Variants in NSUN7 observed in about 807,000 individuals in gnomAD.
The protein encoded by NSUN7 is protein NSUN7.
A neutral mutation model predicts 58.5 loss-of-function variants in NSUN7; 39 were observed. The observed-to-expected ratio is 0.67, with a 90% CI of 0.52 to 0.87. The LOEUF (loss-of-function observed/expected upper bound fraction) is 0.87, where lower values mean the gene tolerates loss of function less well. NSUN7 is among the 40% of genes least tolerant of loss of function. The pLI is 0.00. For synonymous variants in NSUN7, 278 were observed against 303.7 expected (o/e 0.92, Z 0.88); for missense variants, 765 against 844.1 (o/e 0.91, Z 1.16).
chr4:40,764,699 G>A (rs1741629934), intron 4 of NSUN7, among the ~76,000 whole-genome samples: 1 of 152,160 alleles, frequency 6.6e-6, no homozygotes, highest in African/African-American at 2.4e-5. Flanking sequence ...CCCACCAACA[G>A]TGTTAAAGTG....
chr4:40,794,475 A>C lies in NSUN7; in HGVS notation c.1281A>C (p.Lys427Asn). The change falls in exon 9 of 12, where the codon AAA becomes AAC. Residue 427 changes from lysine (K) to asparagine (N), a missense_variant and splice_region_variant. Coordinates refer to ENST00000381782, the MANE Select transcript of NSUN7 (RefSeq NM_024677.6). ...QQYEQLTHAM[K>N]FTKAQAVVYC... ...ATGAACAGCTAACACATGCAATGAA[A>C]TGTAAGGTTGTCATAGGCACCATCT... 6.3e-7 allele frequency: 1 copy of C among 1,592,986 alleles called. No homozygotes were observed. Among genetic ancestry groups the C allele is most frequent in the Non-Finnish European group, 8.6e-7 (1 of 1,162,422 alleles).
chr4:40,769,284 A>G (rs979042933), intron 4 of NSUN7, among the ~76,000 whole-genome samples: 2 of 152,210 alleles, frequency 1.3e-5, no homozygotes. Flanking sequence ...TATTTTCAAA[A>G]TGTAATTGTA....
chr4:40,773,020 G>A (rs573464753), intron 4 of NSUN7: 1 of 152,312 alleles, frequency 6.6e-6, no homozygotes, highest in African/African-American at 2.4e-5. Flanking sequence ...ATGCTAACCA[G>A]TTCTTGTTTT....
rs1029615459 is a variant in NSUN7, at chr4:40,775,823, A to C, written c.826-226A>C. On this transcript the variant is annotated intron_variant, in intron 6 of 11. Coordinates refer to ENST00000381782, the MANE Select transcript of NSUN7 (RefSeq NM_024677.6). The surrounding 1 kb of genome is among the most constrained non-coding windows in gnomAD (Gnocchi z 4.3). Reference sequence around the variant, plus strand: ...TCTGGCATTGCTTTATACAAAACTTAGACAGTAACAGTCATAATTTAGGCT... The same window carrying C: ...TCTGGCATTGCTTTATACAAAACTTCGACAGTAACAGTCATAATTTAGGCT... Among the ~76,000 whole-genome samples, 1 of 152,206 alleles carries C rather than the reference A, an allele frequency of 6.6e-6. No homozygotes were observed. Among genetic ancestry groups the C allele is most frequent in the African/African-American group, 2.4e-5 (1 of 41,454 alleles).
rs1367987215 is a variant in NSUN7, at chr4:40,774,293, G to A, written c.517G>A (p.Ala173Thr). ...SFKIKLAAALARCRIKHDALS... is the reference protein window; with the variant it reads ...SFKIKLAAALTRCRIKHDALS... Reference sequence around the variant, plus strand: ...TAAGATAAAATTGGCTGCAGCATTGGCAAGATGTCGAATCAAGCATGATGC... The same window carrying A: ...TAAGATAAAATTGGCTGCAGCATTGACAAGATGTCGAATCAAGCATGATGC... The change falls in exon 5 of 12, where the codon GCA (alanine) becomes ACA (threonine). Residue 173 changes from alanine (A) to threonine (T), a missense_variant. Coordinates refer to ENST00000381782, the MANE Select transcript of NSUN7 (RefSeq NM_024677.6). The A allele has an allele frequency of 1.9e-6, 3 of 1,614,054 alleles. No homozygotes were observed.
chr4:40,758,471 A>G (rs1285001071), intron 2 of NSUN7, among the ~76,000 whole-genome samples: 5 of 152,276 alleles, frequency 3.3e-5, no homozygotes, highest in South Asian at 4.1e-4. Flanking sequence ...GAGGATTTCT[A>G]TGGGAAAACT....
intron 2 of NSUN7, among the ~76,000 whole-genome samples, chr4:40,753,841 T>C (rs1740962929): frequency 6.6e-6 from 1 of 152,138 alleles, no homozygotes; most frequent in African/African-American, 2.4e-5. Context: ...TCATGAGATC[T>C]GATGGTTCTA....
intron 7 of NSUN7, among the ~76,000 whole-genome samples, chr4:40,780,798 T>C (rs1005705122): frequency 0.16 from 12,692 of 78,038 alleles, 1,226 homozygotes; most frequent in Non-Finnish European, 0.18. Flanking sequence ...TACACATATA[T>C]ATATATATAT....
Position 40,750,598 on chromosome 4 carries a change from C to A in NSUN7, c.-91-5C>A. The A allele has an allele frequency of 7.0e-7, 1 of 1,422,118 alleles. No individual in the cohort carries two copies. Among genetic ancestry groups the A allele is most frequent in the Non-Finnish European group, 9.7e-7 (1 of 1,036,084 alleles). 88.1% of individuals were successfully genotyped at this position (1,422,118 alleles called of 1,614,324 possible). Reference sequence around the variant, plus strand: ...ATTTACTGCAATCACCTTCTCTCTTCACAGAGACCATGCTGCAGATGCGAG... The same window carrying A: ...ATTTACTGCAATCACCTTCTCTCTTAACAGAGACCATGCTGCAGATGCGAG... On this transcript the variant is annotated splice_region_variant and splice_polypyrimidine_tract_variant and intron_variant, in intron 1 of 11. Coordinates refer to ENST00000381782, the MANE Select transcript of NSUN7 (RefSeq NM_024677.6).
At chr4:40,761,752 T>A (rs2154286830) in intron 4 of NSUN7, among the ~76,000 whole-genome samples, 1 of 152,290 alleles carries the variant, frequency 6.6e-6, no homozygotes, top group Non-Finnish European at 1.5e-5. Context: ...ACATCTTAAA[T>A]TTGTTTTCTT....
At chr4:40,750,392 A>C in intron 1 of NSUN7, 92 bp downstream of exon 1, 1 of 294,998 alleles carries the variant, frequency 3.4e-6, no homozygotes, top group African/African-American at 2.2e-5. Context: ...GCTTGAGGGA[A>C]GCCGTCGGTC....
chr4:40,797,468 C>T (rs536462052), intron 9 of NSUN7, among the ~76,000 whole-genome samples: 14 of 152,288 alleles, frequency 9.2e-5, no homozygotes, highest in Non-Finnish European at 1.5e-4. Context: ...ACTTGTTCCT[C>T]CCACAGTACT....
intron 3 of NSUN7, among the ~76,000 whole-genome samples, chr4:40,760,800 T>C (rs1310254460): frequency 6.6e-6 from 1 of 150,482 alleles, no homozygotes; most frequent in Non-Finnish European, 1.5e-5. Flanking sequence ...GAGGCAGAGG[T>C]TGCAGTGAGC....
chr4:40,790,625 T>C lies in NSUN7; in HGVS notation c.1060T>C (p.Phe354Leu). The change falls in exon 8 of 12, where the codon TTT becomes CTT. Residue 354 changes from phenylalanine to leucine, a missense_variant. Transcript: ENST00000381782. The part of the protein sequence containing the change: ...CKNIEILHEK[F>L]INIESKDHRL... Reference sequence around the variant, plus strand: ...AGATATTGAAATACTTCATGAGAAATTTATTAACATTGAATCAAAGGATCA... The same window carrying C: ...AGATATTGAAATACTTCATGAGAAACTTATTAACATTGAATCAAAGGATCA... 6.4e-7 allele frequency: 1 copy of C among 1,568,576 alleles called. No homozygotes were observed. Among genetic ancestry groups the C allele is most frequent in the Non-Finnish European group, 8.7e-7 (1 of 1,154,820 alleles).
intron 11 of NSUN7, among the ~76,000 whole-genome samples, chr4:40,807,981 A>G (rs908315348): frequency 1.4e-5 from 2 of 140,326 alleles, no homozygotes; most frequent in African/African-American, 5.4e-5. Context: ...TGGAGGTTGC[A>G]GTGAGCTGAG....
chr4:40,777,553 T>C (rs1446723784), intron 7 of NSUN7, among the ~76,000 whole-genome samples: 1 of 152,112 alleles, frequency 6.6e-6, no homozygotes, highest in Non-Finnish European at 1.5e-5. Context: ...TGACCTCAGG[T>C]GATCCACCCA....
rs753593424 is a variant in NSUN7 at position 40,761,221 on chromosome 4, T to G, written c.408T>G (p.Asp136Glu). 1.3e-6 allele frequency: 2 copies of G among 1,584,078 alleles called. No homozygotes were observed. Among genetic ancestry groups the G allele is most frequent in the East Asian group, 4.6e-5 (2 of 43,510 alleles). ...LIIVMLYDFQ[D>E]RKFQTRVLSD... ...TTGTGATGCTATATGATTTCCAAGA[T>G]AGAAAATTTCAAACTCGTGTCCTTT... The change falls in exon 4 of 12, where the codon GAT becomes GAG. Residue 136 changes from aspartate (D) to glutamate (E), a missense_variant. By Grantham distance (45) the Asp-to-Glu change is conservative. Transcript: ENST00000381782.
chr4:40,776,318 A>C, intron 7 of NSUN7, 59 bp downstream of exon 7: 1 of 1,204,672 alleles, frequency 8.3e-7, no homozygotes, highest in Non-Finnish European at 1.2e-6. Flanking sequence ...TAGAAACGTT[A>C]AAAAGTTTTA....
intron 4 of NSUN7, among the ~76,000 whole-genome samples, chr4:40,768,205 T>C (rs1397175621): frequency 2.9e-5 from 2 of 69,790 alleles, no homozygotes; most frequent in Non-Finnish European, 7.4e-5. Flanking sequence ...TTTTTTTTTC[T>C]TTTTTTTTTT....
Sources: allele counts gnomAD v4.1 joint callset (sites outside exome capture counted in the v4.1 genomes callset), GRCh38; gene constraint gnomAD v4.1.1; non-coding constraint Gnocchi (gnomAD v3.1); transcripts MANE v1.5; gene names NCBI Gene and HGNC (gene_info 2026-07-23, HGNC 2026-07-21).